Variants in GOLGA3 observed in about 807,000 individuals in gnomAD.
The protein encoded by GOLGA3 is golgin subfamily A member 3.
In GOLGA3, 75 loss-of-function variants were observed where a neutral mutation model predicts 169.4. The observed-to-expected ratio is 0.44, with a 90% CI of 0.37 to 0.54. The LOEUF is 0.54. GOLGA3 is among the 20% of genes least tolerant of loss of function. The probability of loss-of-function intolerance (pLI) is 0.00; values close to 1 mark genes in which losing one functional copy is unlikely to be tolerated. For missense variants in GOLGA3, 1,899 were observed against 1,930.0 expected (o/e 0.98, Z 0.30); for synonymous variants, 824 against 822.4 (o/e 1.00, Z -0.03).
At chr12:132,819,454 T>A (rs1809468) in intron 2 of GOLGA3, among the ~76,000 whole-genome samples, 6 of 152,146 alleles carry the variant, frequency 3.9e-5, no homozygotes, top group Admixed American at 2.6e-4. Context: ...GCGTGAACCC[T>A]CGAAGTGGAG....
chr12:132,801,279 C>A (rs1335465344), intron 8 of GOLGA3, among the ~76,000 whole-genome samples: 2 of 152,214 alleles, frequency 1.3e-5, no homozygotes, highest in African/African-American at 4.8e-5. Context: ...CCGTGTATCA[C>A]TGAGGGCTCA....
chr12:132,811,825 ATCT>A (rs769670739), intron 4 of GOLGA3: 120 of 965,202 alleles, frequency 1.2e-4, no homozygotes, highest in Non-Finnish European at 1.4e-4. Context: ...CATTTTATTG[ATCT>A]TCTTCTACTG....
rs533870582 is a variant in GOLGA3, at chr12:132,774,225, C to G, written c.4239G>C (p.Leu1413=). 1,112 of 1,611,520 alleles carry G rather than the reference C, an allele frequency of 6.9e-4. 17 individuals carry two copies. In the South Asian group the frequency reaches 0.011, roughly 16 times the overall value. ...CPVPASLLEE[L]LRPPPAVSKE... ...TGCTCACGGCGGGCGGTGGTCTCAG[C>G]AGCTCCTCCAGCAGCGAGGCGGGAA... The change falls in exon 23 of 24, where the codon CTG becomes CTC. Residue 1413 remains leucine (L), a synonymous_variant. Coordinates refer to ENST00000450791, the MANE Select transcript of GOLGA3 (RefSeq NM_001389683.1).
At position 132,775,272 on chromosome 12, in the gene GOLGA3, C is replaced by T. The variant is rs1472522188; in HGVS notation, c.4012G>A (p.Asp1338Asn). 3.7e-6 allele frequency: 6 copies of T among 1,612,020 alleles called. No individual in the cohort carries two copies. The Admixed American group carries it at 1.0e-4, about 27-fold the overall frequency. The change falls in exon 22 of 24, where the codon GAC becomes AAC. Residue 1338 changes from aspartate to asparagine, a missense_variant. Physicochemically the swap from Asp to Asn is conservative, Grantham distance 23. Transcript: ENST00000450791. ...TTATCCTTCTGGGTCATGGACAGGT[C>T]TTCCTGGGCCATCTCCAACTCAGAC... ...VKSELEMAQE[D>N]LSMTQKDKFM... is the part of the protein sequence containing the mutation.
rs1317824037 is a variant in GOLGA3, at chr12:132,774,404, C to T, written c.4144-84G>A. 1.7e-5 allele frequency: 26 copies of T among 1,495,180 alleles called. No homozygotes were observed. In the South Asian group the frequency reaches 2.4e-4, roughly 14 times the overall value. 92.6% of individuals were successfully genotyped at this position (1,495,180 alleles called of 1,614,324 possible). On this transcript the variant is annotated intron_variant, in intron 22 of 23. Coordinates refer to ENST00000450791, the MANE Select transcript of GOLGA3 (RefSeq NM_001389683.1). ...CTAGCACAGCTTGTGGCAAACGGGC[C>T]TCCCCAACTGGTGGACGTGGGGCCT...
chr12:132,819,598 C>T (rs918647357), intron 2 of GOLGA3, among the ~76,000 whole-genome samples: 17 of 152,326 alleles, frequency 1.1e-4, no homozygotes, highest in African/African-American at 3.8e-4. Flanking sequence ...ACTGTCATGC[C>T]TCCCGAAAGA....
intron 1 of GOLGA3, among the ~76,000 whole-genome samples, chr12:132,824,702 T>C (rs1950341438): frequency 6.6e-6 from 1 of 152,218 alleles, no homozygotes; most frequent in Admixed American, 6.5e-5. Flanking sequence ...GATCATCTAG[T>C]AACATCTCTC....
chr12:132,798,557 A>G (rs1378389930), intron 8 of GOLGA3, 80 bp from the exon 9 acceptor site: 3 of 1,313,966 alleles, frequency 2.3e-6, no homozygotes, highest in East Asian at 2.4e-5. Context: ...TGGAGGCCCC[A>G]GGGTGAGGGT....
chr12:132,788,154 A>G (rs1279226565), intron 13 of GOLGA3, among the ~76,000 whole-genome samples: 1 of 151,702 alleles, frequency 6.6e-6, no homozygotes, highest in Non-Finnish European at 1.5e-5. Flanking sequence ...CCCCGGCACC[A>G]GCGCTAATCC....
At chr12:132,774,428 C>A in intron 22 of GOLGA3, 108 bp from the exon 23 acceptor site, 1 of 1,299,294 alleles carries the variant, frequency 7.7e-7, no homozygotes. Context: ...GACGTGGGGC[C>A]TCTGGGAAGG....
Position 132,804,311 on chromosome 12 carries a change from A to G in GOLGA3, c.1597+405T>C, listed in dbSNP as rs570883469. ...CTTTTGAGGCAGGATCACCGCAGAT[A>G]CTCCAGGGTCCAAGGTCAATCTCCA... On this transcript the variant is annotated intron_variant, in intron 7 of 23. Transcript: ENST00000450791. This position sits in a 1 kb window ranked among gnomAD's most constrained non-coding sequence, Gnocchi z 4.1. Among the ~76,000 whole-genome samples, 13 of 152,304 alleles carry G rather than the reference A, an allele frequency of 8.5e-5. No homozygotes were observed. The highest frequency in any genetic ancestry group is 2.9e-4 in the African/African-American group (12 of 41,568).
chr12:132,818,604 G>A (rs752658727), intron 2 of GOLGA3, among the ~76,000 whole-genome samples: 11 of 152,164 alleles, frequency 7.2e-5, no homozygotes, highest in African/African-American at 1.4e-4. Flanking sequence ...TATGAAAGTC[G>A]CCAGTTTAAA....
chr12:132,796,162 A>G lies in GOLGA3; in HGVS notation c.2159T>C (p.Leu720Pro). 1 of 1,607,230 alleles carries G rather than the reference A, an allele frequency of 6.2e-7. No individual in the cohort carries two copies. Among genetic ancestry groups the G allele is most frequent in the Non-Finnish European group, 8.5e-7 (1 of 1,175,522 alleles). Residue 720 changes from leucine to proline, a missense_variant, in exon 11 of 24, where the codon CTG becomes CCG. Leu to Pro is a moderately conservative substitution (Grantham distance 98). Transcript: ENST00000450791. ...QQLEALQQEH[L>P]DLMKQLTLTQ... The stretch of plus-strand genomic sequence containing the variant: ...CAAGGTGAGCTGTTTCATCAGGTCC[A>G]GGTGCTCCTGCTGCAAAGCCTCAAG...
At position 132,774,138 on chromosome 12, in the gene GOLGA3, G is replaced by C. The variant is rs778536720; in HGVS notation, c.4307+19C>G. ...AATCTTTAAGACTAGCTGAAGTGCA[G>C]CACGGAATACGGTCGTACTTGAGCT... On this transcript the variant is annotated intron_variant, in intron 23 of 23. Coordinates refer to ENST00000450791, the MANE Select transcript of GOLGA3 (RefSeq NM_001389683.1). 6.4e-7 allele frequency: 1 copy of C among 1,557,792 alleles called. No homozygotes were observed. The highest frequency in any genetic ancestry group is 1.2e-5 in the South Asian group (1 of 83,566).
chr12:132,809,075 TG>T (rs1388092836), intron 4 of GOLGA3, among the ~76,000 whole-genome samples: 1 of 152,118 alleles, frequency 6.6e-6, no homozygotes, highest in Non-Finnish European at 1.5e-5. Context: ...TCACCTCCAA[TG>T]ATAGGTAAGG....
Position 132,773,310 on chromosome 12 carries a change from G to GA in GOLGA3, c.4308-17dup. The GA allele has an allele frequency of 1.5e-6, 2 of 1,354,012 alleles. No individual in the cohort carries two copies. 83.9% of individuals were successfully genotyped at this position (1,354,012 alleles called of 1,614,324 possible). A position where few individuals can be genotyped will look rare whatever the true frequency, so the allele number is the denominator to read the frequency against. ...CATCTCCTGCCTGGGACAGAAGAAG[G>GA]AGGAAGAAGGCCCAGATCACACAAG... is the stretch of plus-strand genomic sequence containing the variant. On this transcript the variant is annotated splice_polypyrimidine_tract_variant and intron_variant, in intron 23 of 23. Coordinates refer to ENST00000450791, the MANE Select transcript of GOLGA3 (RefSeq NM_001389683.1).
intron 15 of GOLGA3, among the ~76,000 whole-genome samples, chr12:132,785,314 T>C (rs2045838657): frequency 1.3e-5 from 2 of 152,162 alleles, no homozygotes; most frequent in Non-Finnish European, 2.9e-5. Flanking sequence ...ACTTGATTTA[T>C]TTATTGAATT....
Position 132,775,196 on chromosome 12 carries a change from A to G in GOLGA3, c.4088T>C (p.Leu1363Pro). 1.9e-6 allele frequency: 3 copies of G among 1,614,196 alleles called. No individual in the cohort carries two copies. The highest frequency in any genetic ancestry group is 2.5e-6 in the Non-Finnish European group (3 of 1,180,012). The change falls in exon 22 of 24, where the codon CTG becomes CCG. Residue 1363 changes from leucine (L) to proline (P), a missense_variant. By Grantham distance (98) the Leu-to-Pro change is moderately conservative. Transcript: ENST00000450791. The stretch of plus-strand genomic sequence containing the variant: ...CTTGAGCTGCTGGTTCTGCTGGAGC[A>G]GGGTCTTCATGTTGTTCTTCAGCTC... Reference protein sequence around the residue: ...VSELKNNMKTLLQQNQQLKLD... With the variant: ...VSELKNNMKTPLQQNQQLKLD...
chr12:132,802,937 A>G (rs565449416), intron 7 of GOLGA3, among the ~76,000 whole-genome samples: 87 of 152,156 alleles, frequency 5.7e-4, no homozygotes, highest in African/African-American at 2.0e-3. Context: ...CGCCTGTAAT[A>G]CCAGCTACTA....
Sources: allele counts gnomAD v4.1 joint callset (sites outside exome capture counted in the v4.1 genomes callset), GRCh38; gene constraint gnomAD v4.1.1; non-coding constraint Gnocchi (gnomAD v3.1); transcripts MANE v1.5; gene names NCBI Gene and HGNC (gene_info 2026-07-23, HGNC 2026-07-21).